Variants in TENM3 observed in about 807,000 individuals in gnomAD.
TENM3 encodes teneurin transmembrane protein 3, also known as teneurin-3.
Under a neutral mutation model 255.1 loss-of-function variants are expected in TENM3, and 63 were observed. The ratio of observed to expected loss-of-function variants is 0.25; its 90% CI spans 0.20 to 0.30. The LOEUF is 0.30. TENM3 is among the 10% of genes least tolerant of loss of function. TENM3 has a pLI of 1.00. For synonymous variants in TENM3, 1,306 were observed against 1,322.3 expected (o/e 0.99, Z 0.27); for missense variants, 2,929 against 3,461.1 (o/e 0.85, Z 3.86).
the TENM3 span, among the ~76,000 whole-genome samples, chr4:181,603,591 G>T: frequency 6.6e-6 from 1 of 151,974 alleles, no homozygotes; most frequent in African/African-American, 2.4e-5. Context: ...TTCCTCTAAA[G>T]TCTCAGTAAA....
At chr4:182,228,244 A>G (rs892583319) in intron 1 of TENM3, among the ~76,000 whole-genome samples, 5 of 151,882 alleles carry the variant, frequency 3.3e-5, no homozygotes, top group African/African-American at 1.2e-4. Context: ...CTTGCCACAA[A>G]ATAAAAGACT....
At chr4:182,267,402 A>T (rs561814153) in intron 1 of TENM3, among the ~76,000 whole-genome samples, 1 of 152,204 alleles carries the variant, frequency 6.6e-6, no homozygotes, top group African/African-American at 2.4e-5. Flanking sequence ...TTATTTTGCC[A>T]AGGCTTTGAC....
the TENM3 span, among the ~76,000 whole-genome samples, chr4:181,945,393 C>T: frequency 6.6e-6 from 1 of 152,026 alleles, no homozygotes; most frequent in Non-Finnish European, 1.5e-5. Context: ...GCAAGATGGC[C>T]GCTCGGAGCA....
chr4:181,744,379 C>T, the TENM3 span, among the ~76,000 whole-genome samples: 2 of 152,116 alleles, frequency 1.3e-5, no homozygotes, highest in African/African-American at 2.4e-5. Flanking sequence ...ATATCTCTGC[C>T]TCTAGGTCTT....
chr4:181,605,576 GAAAGAAAGGAA>G, the TENM3 span, among the ~76,000 whole-genome samples: 1 of 23,088 alleles, frequency 4.3e-5, no homozygotes, highest in African/African-American at 7.8e-5. Flanking sequence ...GAAAGAGAGA[GAAAGAAAGGAA>G]AGAAAGAAAG....
chr4:182,470,739 A>G (rs1362428362), intron 3 of TENM3, among the ~76,000 whole-genome samples: 3 of 152,168 alleles, frequency 2.0e-5, no homozygotes, highest in Non-Finnish European at 4.4e-5. Flanking sequence ...AAACTTCACC[A>G]TGGGAATGTG....
At chr4:182,297,001 A>T (rs1191586945) in intron 1 of TENM3, among the ~76,000 whole-genome samples, 1 of 152,224 alleles carries the variant, frequency 6.6e-6, no homozygotes, top group Non-Finnish European at 1.5e-5. Flanking sequence ...GAAGATAGAG[A>T]TTATTCGCAT....
chr4:181,911,190 G>T, the TENM3 span, among the ~76,000 whole-genome samples: 2 of 152,146 alleles, frequency 1.3e-5, no homozygotes, highest in African/African-American at 4.8e-5. Flanking sequence ...CAAAATTAGC[G>T]CTGAAACCTG....
the TENM3 span, among the ~76,000 whole-genome samples, chr4:181,696,124 C>T: frequency 1.3e-5 from 2 of 152,012 alleles, no homozygotes; most frequent in African/African-American, 2.4e-5. Context: ...CATGGTGAAT[C>T]GTAAGACTAG....
the TENM3 span, among the ~76,000 whole-genome samples, chr4:181,876,512 T>C: frequency 6.6e-6 from 1 of 152,200 alleles, no homozygotes; most frequent in Non-Finnish European, 1.5e-5. Context: ...CTGTCAGCTC[T>C]AAGTTTCTAT....
chr4:182,792,128 T>A lies in TENM3; in HGVS notation c.5602-146T>A. 1.3e-6 allele frequency: 1 copy of A among 797,080 alleles called. No homozygotes were observed. The highest frequency in any genetic ancestry group is 2.0e-6 in the Non-Finnish European group (1 of 509,010). 49.4% of individuals were successfully genotyped at this position (797,080 alleles called of 1,614,324 possible). ...TCCAAGCAAATTAGGCAGAGAAACG[T>A]TAACAACACGCAAGGTCAAGGATAA... On this transcript the variant is annotated intron_variant, in intron 25 of 27. Transcript: ENST00000511685. This position sits in a 1 kb window ranked among gnomAD's most constrained non-coding sequence, Gnocchi z 6.3.
the TENM3 span, among the ~76,000 whole-genome samples, chr4:181,522,306 C>T: frequency 5.5e-4 from 84 of 152,154 alleles, 1 homozygote; most frequent in African/African-American, 2.0e-3. Flanking sequence ...TGTGCTTGTA[C>T]ACCTGGTCAA....
chr4:182,653,268 A>G (rs994677389), intron 5 of TENM3, among the ~76,000 whole-genome samples: 1 of 152,180 alleles, frequency 6.6e-6, no homozygotes, highest in Non-Finnish European at 1.5e-5. Context: ...AAATTTGATT[A>G]TATTTTGTAC....
At chr4:182,161,921 GTATA>G (rs545310351) in intron 1 of TENM3, among the ~76,000 whole-genome samples, 2 of 36,368 alleles carry the variant, frequency 5.5e-5, no homozygotes, top group African/African-American at 9.6e-5. Flanking sequence ...ACATGTATGT[GTATA>G]TATATACACA....
intron 3 of TENM3, among the ~76,000 whole-genome samples, chr4:182,515,596 A>G (rs13117537): frequency 0.31 from 46,565 of 152,052 alleles, 7,851 homozygotes; most frequent in Non-Finnish European, 0.38. Flanking sequence ...TAATTACTGT[A>G]TATAATATTT....
At chr4:181,721,041 C>G in the TENM3 span, among the ~76,000 whole-genome samples, 1 of 151,414 alleles carries the variant, frequency 6.6e-6, no homozygotes, top group Admixed American at 6.6e-5. Context: ...GAGTCAGGGA[C>G]AGCGTCTCTG....
intron 1 of TENM3, among the ~76,000 whole-genome samples, chr4:182,203,604 A>G (rs1468687760): frequency 1.3e-5 from 2 of 152,096 alleles, no homozygotes; most frequent in Non-Finnish European, 2.9e-5. Context: ...TGCTCTTCCT[A>G]ACTCCCTTTC....
intron 12 of TENM3, among the ~76,000 whole-genome samples, chr4:182,708,643 C>A (rs1758484300): frequency 6.6e-6 from 1 of 152,022 alleles, no homozygotes; most frequent in African/African-American, 2.4e-5. Context: ...ACTAAAAATA[C>A]AAAAATTAGC....
the TENM3 span, among the ~76,000 whole-genome samples, chr4:181,805,049 T>C: frequency 6.6e-6 from 1 of 152,170 alleles, no homozygotes; most frequent in African/African-American, 2.4e-5. Context: ...GCTGCCGTCA[T>C]ACAGCCTAAA....
Sources: allele counts gnomAD v4.1 joint callset (sites outside exome capture counted in the v4.1 genomes callset), GRCh38; gene constraint gnomAD v4.1.1; non-coding constraint Gnocchi (gnomAD v3.1); transcripts MANE v1.5; gene names NCBI Gene and HGNC (gene_info 2026-07-23, HGNC 2026-07-21).